The following SLC7A1 variants were observed in gnomAD, a reference collection of about 807,000 sequenced individuals.
SLC7A1 encodes high affinity cationic amino acid transporter 1.
Under a neutral mutation model 53.9 loss-of-function variants are expected in SLC7A1, and 10 were observed. The ratio of observed to expected loss-of-function variants is 0.19; its 90% confidence interval spans 0.11 to 0.31. The LOEUF (loss-of-function observed/expected upper bound fraction) is 0.31. Among genes scored for constraint, SLC7A1 ranks in the 10% least tolerant of loss-of-function variants. The pLI, the probability that SLC7A1 is intolerant of heterozygous loss-of-function variation, is 1.00. For missense variants in SLC7A1, 525 were observed against 827.2 expected, an observed-to-expected ratio of 0.63 and a Z score of 4.48; for synonymous variants, 342 against 338.7, an observed-to-expected ratio of 1.01 and a Z score of -0.11.
chr13:29,588,141 C>T (rs1161767145), intron 1 of SLC7A1, among the ~76,000 whole-genome samples: 1 of 152,144 alleles, frequency 6.6e-6, no homozygotes, highest in Non-Finnish European at 1.5e-5. Flanking sequence ...TGCAAAACTC[C>T]TTCCCCAAAA....
intron 1 of SLC7A1, among the ~76,000 whole-genome samples, chr13:29,579,489 T>C (rs1022145242): frequency 3.9e-5 from 6 of 151,932 alleles, no homozygotes; most frequent in Non-Finnish European, 7.4e-5. Flanking sequence ...GCCTCCCGAG[T>C]AGCTGGTACT....
intron 1 of SLC7A1, among the ~76,000 whole-genome samples, chr13:29,580,412 T>C (rs1429703948): frequency 3.2e-4 from 48 of 152,144 alleles, no homozygotes; most frequent in Non-Finnish European, 6.3e-4. Context: ...CTCAGTGGCT[T>C]CATAACTGCC....
intron 7 of SLC7A1, 55 bp from the exon 8 acceptor site, chr13:29,522,511 C>T: frequency 6.3e-7 from 1 of 1,595,162 alleles, no homozygotes; most frequent in South Asian, 1.1e-5. Flanking sequence ...GGGATAAAGG[C>T]ACCACATCCA....
chr13:29,587,246 C>A (rs770042927), intron 1 of SLC7A1, among the ~76,000 whole-genome samples: 3 of 152,180 alleles, frequency 2.0e-5, no homozygotes, highest in African/African-American at 7.2e-5. Flanking sequence ...AAACCAGACT[C>A]GCTTAGCAAA....
At chr13:29,555,353 G>A (rs1418723784) in intron 1 of SLC7A1, among the ~76,000 whole-genome samples, 10 of 5,942 alleles carry the variant, frequency 1.7e-3, no homozygotes, top group South Asian at 8.2e-3. Flanking sequence ...GCGAGACTCC[G>A]TCTCAAAAAA....
Position 29,523,504 on chromosome 13 carries a change from G to T in SLC7A1, c.827-16C>A, listed in dbSNP as rs374160505. On this transcript the variant is annotated splice_polypyrimidine_tract_variant and intron_variant, in intron 6 of 12. Coordinates refer to ENST00000380752, the MANE Select transcript of SLC7A1 (RefSeq NM_003045.5). The stretch of plus-strand genomic sequence containing the variant: ...ACCTCTTCACCTAGAAGCACAAGGG[G>T]TCAGCGGAGGAGGGCACACAGCAAG... 1.3e-6 allele frequency: 2 copies of T among 1,586,714 alleles called. No homozygotes were observed. Among genetic ancestry groups the T allele is most frequent in the East Asian group, 2.2e-5 (1 of 44,730 alleles).
rs1038775910 is a variant in SLC7A1, at chr13:29,532,805, T to C, written c.529+19A>G. 1 of 1,604,986 alleles carries C rather than the reference T, an allele frequency of 6.2e-7. No individual in the cohort carries two copies. The highest frequency in any genetic ancestry group is 8.5e-7 in the Non-Finnish European group (1 of 1,173,556). On this transcript the variant is annotated intron_variant, in intron 4 of 12. Coordinates refer to ENST00000380752, the MANE Select transcript of SLC7A1 (RefSeq NM_003045.5). ...TGCCCATCACTCTGACCCGATCTCTTTTTAAGTGTGGGCTTTACCTGTCAA... is the reference window on the plus strand; with the variant it reads ...TGCCCATCACTCTGACCCGATCTCTCTTTAAGTGTGGGCTTTACCTGTCAA...
At chr13:29,535,080 G>C (rs1481332278) in intron 3 of SLC7A1, among the ~76,000 whole-genome samples, 1 of 152,160 alleles carries the variant, frequency 6.6e-6, no homozygotes, top group African/African-American at 2.4e-5. Flanking sequence ...GTCAACAAAG[G>C]CCTTAAAAAC....
rs548949661 is a variant in SLC7A1 at position 29,517,439 on chromosome 13, C to A, written c.1511-129G>T. On this transcript the variant is annotated intron_variant, in intron 10 of 12. Transcript: ENST00000380752. ...TCCGAAGGCACAACTACAGTTAACA[C>A]AGAGTAACTATGTCCCAGTCCAGGA... 2.8e-5 allele frequency: 34 copies of A among 1,227,652 alleles called. No individual in the cohort carries two copies. The African/African-American group carries it at 3.0e-4, about 11-fold the overall frequency. 76.0% of individuals were successfully genotyped at this position (1,227,652 alleles called of 1,614,324 possible).
intron 1 of SLC7A1, among the ~76,000 whole-genome samples, chr13:29,590,844 C>T (rs1177346812): frequency 6.6e-6 from 1 of 152,154 alleles, no homozygotes; most frequent in Non-Finnish European, 1.5e-5. Context: ...TGGCTCACGA[C>T]CATAAACCTA....
At chr13:29,528,312 A>T (rs1407551263) in intron 5 of SLC7A1, among the ~76,000 whole-genome samples, 3 of 152,232 alleles carry the variant, frequency 2.0e-5, no homozygotes, top group Admixed American at 2.0e-4. Flanking sequence ...TGCTATGTCC[A>T]CAGAACACTG....
At chr13:29,517,541 A>C in intron 10 of SLC7A1, 32 bp downstream of exon 10, 3 of 1,560,416 alleles carry the variant, frequency 1.9e-6, no homozygotes, top group Non-Finnish European at 1.8e-6. Context: ...CAATGCCAAC[A>C]AGCAAGGCCC....
chr13:29,557,324 G>A (rs1487041307), intron 1 of SLC7A1, among the ~76,000 whole-genome samples: 1 of 152,110 alleles, frequency 6.6e-6, no homozygotes, highest in Non-Finnish European at 1.5e-5. Flanking sequence ...TTAATGATAG[G>A]GATGTGTTCT....
At chr13:29,527,150 G>A (rs9551694) in intron 5 of SLC7A1, among the ~76,000 whole-genome samples, 113 of 151,748 alleles carry the variant, frequency 7.4e-4, no homozygotes, top group Non-Finnish European at 1.3e-3. Context: ...ACGGAGTGCC[G>A]CGTTTTGTGT....
At chr13:29,592,145 G>A (rs1872136240) in intron 1 of SLC7A1, among the ~76,000 whole-genome samples, 1 of 152,144 alleles carries the variant, frequency 6.6e-6, no homozygotes, top group South Asian at 2.1e-4. Context: ...TCGTTTCAGG[G>A]CAGATAATCA....
At chr13:29,526,812 G>A (rs911889164) in intron 5 of SLC7A1, among the ~76,000 whole-genome samples, 2 of 152,348 alleles carry the variant, frequency 1.3e-5, no homozygotes, top group Admixed American at 6.5e-5. Flanking sequence ...CATCCTCCCC[G>A]GCTCCTCAGG....
At chr13:29,579,273 G>C (rs1018109112) in intron 1 of SLC7A1, among the ~76,000 whole-genome samples, 1 of 152,080 alleles carries the variant, frequency 6.6e-6, no homozygotes, top group African/African-American at 2.4e-5. Flanking sequence ...AACTCCACCT[G>C]AGGCGCCCCG....
rs1883483150 is a variant in SLC7A1 at position 29,514,159 on chromosome 13, G to A, written c.*321C>T. ...AAGATAAGGAGAGAAGGTGACCTCCGTTCTGCCTGAGGCTGCGGCAGCTCG... is the reference window on the plus strand; with the variant it reads ...AAGATAAGGAGAGAAGGTGACCTCCATTCTGCCTGAGGCTGCGGCAGCTCG... On this transcript the variant is annotated 3_prime_UTR_variant, in exon 13 of 13. Transcript: ENST00000380752. The A allele has an allele frequency of 5.9e-6, 2 of 339,652 alleles. No individual in the cohort carries two copies. Among genetic ancestry groups the A allele is most frequent in the African/African-American group, 2.1e-5 (1 of 48,088 alleles). 21.0% of individuals were successfully genotyped at this position (339,652 alleles called of 1,614,324 possible).
chr13:29,533,542 G>A (rs1869270744), intron 3 of SLC7A1, among the ~76,000 whole-genome samples: 1 of 152,152 alleles, frequency 6.6e-6, no homozygotes, highest in African/African-American at 2.4e-5. Flanking sequence ...CTCCATCTCA[G>A]GGACAAAGCC....
Sources: allele counts gnomAD v4.1 joint callset (sites outside exome capture counted in the v4.1 genomes callset), GRCh38; gene constraint gnomAD v4.1.1; transcripts MANE v1.5; gene names NCBI Gene and HGNC (gene_info 2026-07-23, HGNC 2026-07-21).